Variants in QTMAN observed in about 807,000 individuals in gnomAD.
The protein encoded by QTMAN is queuosine-tRNA mannosyltransferase.
the QTMAN span, among the ~76,000 whole-genome samples, chr2:144,164,259 CTGTT>C: frequency 6.6e-6 from 1 of 151,776 alleles, no homozygotes; most frequent in Non-Finnish European, 1.5e-5. Context: ...TTTTGGTCTT[CTGTT>C]TGTTTCTATT....
chr2:144,121,666 A>T, the QTMAN span, among the ~76,000 whole-genome samples: 1 of 152,224 alleles, frequency 6.6e-6, no homozygotes, highest in Admixed American at 6.5e-5. Flanking sequence ...GCTTTATAGG[A>T]CCTAAGACCA....
At chr2:143,955,577 G>A in the QTMAN span, among the ~76,000 whole-genome samples, 3 of 152,098 alleles carry the variant, frequency 2.0e-5, no homozygotes, top group African/African-American at 7.2e-5. Context: ...TAATGTACTG[G>A]ACTGTTACAA....
the QTMAN span, chr2:144,178,773 G>A: frequency 3.0e-6 from 1 of 332,892 alleles, no homozygotes; most frequent in Non-Finnish European, 6.0e-6. Context: ...GAGAGATTTA[G>A]AGAAAGTAAA....
chr2:144,127,502 G>A, the QTMAN span, among the ~76,000 whole-genome samples: 1 of 152,008 alleles, frequency 6.6e-6, no homozygotes, highest in Non-Finnish European at 1.5e-5. Flanking sequence ...CATGGTAGTG[G>A]TATGTGGATT....
At chr2:144,039,715 C>T in the QTMAN span, among the ~76,000 whole-genome samples, 28 of 152,138 alleles carry the variant, frequency 1.8e-4, 1 homozygote, top group Admixed American at 1.8e-3. Context: ...TGAGTCACTC[C>T]TATTTTTAAG....
At chr2:144,324,951 C>A in the QTMAN span, among the ~76,000 whole-genome samples, 1 of 151,950 alleles carries the variant, frequency 6.6e-6, no homozygotes, top group Admixed American at 6.6e-5. Context: ...CCCAGGAATG[C>A]TGCAAACCTT....
chr2:144,122,796 A>T, the QTMAN span, among the ~76,000 whole-genome samples: 1 of 152,150 alleles, frequency 6.6e-6, no homozygotes, highest in Admixed American at 6.5e-5. Flanking sequence ...CAGTTCTATT[A>T]TTGGAAATTC....
the QTMAN span, among the ~76,000 whole-genome samples, chr2:144,209,922 A>T: frequency 6.6e-6 from 1 of 152,230 alleles, no homozygotes; most frequent in East Asian, 1.9e-4. Flanking sequence ...GATGTTCTTC[A>T]CTAATAAAAC....
At chr2:144,144,054 A>C in the QTMAN span, among the ~76,000 whole-genome samples, 1 of 151,924 alleles carries the variant, frequency 6.6e-6, no homozygotes, top group African/African-American at 2.4e-5. Flanking sequence ...GATGAAGTAC[A>C]CTTCTCTCTC....
At chr2:144,276,162 C>T in the QTMAN span, among the ~76,000 whole-genome samples, 1 of 151,980 alleles carries the variant, frequency 6.6e-6, no homozygotes, top group African/African-American at 2.4e-5. Flanking sequence ...AAGGTGTCTA[C>T]TCAAGGCAAT....
chr2:143,945,834 T>C, the QTMAN span: 1 of 152,250 alleles, frequency 6.6e-6, no homozygotes, highest in East Asian at 1.9e-4. Flanking sequence ...GTTTACCTCC[T>C]GCTTTCCAGA....
At chr2:144,324,616 T>TTTAA in the QTMAN span, among the ~76,000 whole-genome samples, 1 of 152,136 alleles carries the variant, frequency 6.6e-6, no homozygotes, top group Non-Finnish European at 1.5e-5. Flanking sequence ...CCTCAGGCAA[T>TTTAA]GACCTAGGAA....
chr2:143,952,918 T>A, the QTMAN span: 1 of 895,148 alleles, frequency 1.1e-6, no homozygotes, highest in Non-Finnish European at 1.8e-6. Context: ...TGGTTTTGTT[T>A]GCCTAAGTTA....
chr2:144,257,969 T>C, the QTMAN span, among the ~76,000 whole-genome samples: 1 of 151,918 alleles, frequency 6.6e-6, no homozygotes, highest in Non-Finnish European at 1.5e-5. Flanking sequence ...TTATGAAATA[T>C]CTAAGAAAAG....
At chr2:144,182,031 T>G in the QTMAN span, among the ~76,000 whole-genome samples, 1 of 151,784 alleles carries the variant, frequency 6.6e-6, no homozygotes, top group Non-Finnish European at 1.5e-5. Context: ...AACCCAAAAG[T>G]GCCAAACTTA....
At chr2:144,204,715 T>A in the QTMAN span, among the ~76,000 whole-genome samples, 1 of 152,198 alleles carries the variant, frequency 6.6e-6, no homozygotes, top group East Asian at 1.9e-4. Context: ...GTGGCACTAT[T>A]CACAATAGCA....
the QTMAN span, among the ~76,000 whole-genome samples, chr2:144,009,373 C>T: frequency 2.0e-5 from 3 of 151,740 alleles, no homozygotes; most frequent in East Asian, 3.9e-4. Flanking sequence ...AGGGAGAGGG[C>T]GTTAAATAGG....
the QTMAN span, among the ~76,000 whole-genome samples, chr2:144,107,960 C>T: frequency 6.6e-6 from 1 of 152,178 alleles, no homozygotes; most frequent in African/African-American, 2.4e-5. Flanking sequence ...ATACGCAAAT[C>T]AATAAACGTA....
the QTMAN span, chr2:143,939,305 A>T: frequency 6.6e-6 from 1 of 152,216 alleles, no homozygotes; most frequent in Admixed American, 6.5e-5. Context: ...ATAGCACAGG[A>T]TTAAGTTTAT....
Sources: allele counts gnomAD v4.1 joint callset (sites outside exome capture counted in the v4.1 genomes callset), GRCh38; gene constraint gnomAD v4.1.1; transcripts MANE v1.5; gene names NCBI Gene and HGNC (gene_info 2026-07-23, HGNC 2026-07-21).